RPTOR: variants seen among roughly 807,000 people sequenced by gnomAD.
The protein encoded by RPTOR is regulatory-associated protein of mTOR.
In RPTOR, 21 loss-of-function variants were observed where a neutral mutation model predicts 169.9. The ratio of observed to expected loss-of-function variants is 0.12; its 90% CI spans 0.09 to 0.18. The LOEUF is 0.18. RPTOR is among the 10% of genes least tolerant of loss of function. RPTOR has a pLI of 1.00. For synonymous variants in RPTOR, 732 were observed against 753.2 expected, an observed-to-expected ratio of 0.97 and a Z score of 0.46; for missense variants, 1,133 against 1,855.9, an observed-to-expected ratio of 0.61 and a Z score of 7.16.
intron 7 of RPTOR, among the ~76,000 whole-genome samples, chr17:80,805,910 A>G (rs2067213886): frequency 6.6e-6 from 1 of 152,134 alleles, no homozygotes; most frequent in African/African-American, 2.4e-5. Context: ...AACTCTGCTT[A>G]CTGTTAAGTC....
rs1049401945 is a variant in RPTOR, at chr17:80,955,750, T to G, written c.3371-1874T>G. 4.1e-4 allele frequency among the ~76,000 whole-genome samples: 62 copies of G among 151,502 alleles called. 1 individual carries two copies. Among genetic ancestry groups the G allele is most frequent in the African/African-American group, 1.4e-3 (56 of 41,256 alleles). ...TGGCTTGTGTGTGTCCTGCCGAGAG[T>G]GTAGATGGTCACCCATTTGGGGAAT... On this transcript the variant is annotated intron_variant, in intron 28 of 33. Coordinates refer to ENST00000306801, the MANE Select transcript of RPTOR (RefSeq NM_020761.3).
At chr17:80,718,447 T>G (rs962588089) in intron 4 of RPTOR, among the ~76,000 whole-genome samples, 3 of 152,198 alleles carry the variant, frequency 2.0e-5, no homozygotes, top group Non-Finnish European at 4.4e-5. Context: ...GATTGTTGGT[T>G]ATAAGTCTAG....
At chr17:80,832,792 G>A (rs1012931853) in intron 9 of RPTOR, among the ~76,000 whole-genome samples, 2 of 152,176 alleles carry the variant, frequency 1.3e-5, no homozygotes, top group South Asian at 4.1e-4. Context: ...GGAGCACACA[G>A]GAAAGATAGC....
chr17:80,848,915 C>T (rs2067762244), intron 11 of RPTOR, among the ~76,000 whole-genome samples: 1 of 152,220 alleles, frequency 6.6e-6, no homozygotes, highest in Admixed American at 6.5e-5. Flanking sequence ...TATGCGAAGA[C>T]AGCTCTGGTC....
chr17:80,731,606 C>T (rs919830150), intron 5 of RPTOR, among the ~76,000 whole-genome samples: 5 of 152,116 alleles, frequency 3.3e-5, no homozygotes, highest in South Asian at 4.2e-4. Context: ...GAGGCAGTTT[C>T]GATTAAGAGG....
intron 6 of RPTOR, among the ~76,000 whole-genome samples, chr17:80,781,683 A>G (rs1229282194): frequency 6.6e-6 from 1 of 152,236 alleles, no homozygotes; most frequent in Non-Finnish European, 1.5e-5. Flanking sequence ...TGGATCGCCC[A>G]TTTGACTAAA....
intron 1 of RPTOR, among the ~76,000 whole-genome samples, chr17:80,559,272 C>T (rs1477040057): frequency 2.0e-5 from 3 of 152,150 alleles, no homozygotes; most frequent in Non-Finnish European, 4.4e-5. Flanking sequence ...CAGGAGCACA[C>T]GACGGTGCTT....
At chr17:80,664,974 CT>C (rs1567845660) in intron 3 of RPTOR, among the ~76,000 whole-genome samples, 1 of 152,176 alleles carries the variant, frequency 6.6e-6, no homozygotes, top group African/African-American at 2.4e-5. Context: ...CTGCAGAGAC[CT>C]TTTTCTCCTG....
intron 3 of RPTOR, among the ~76,000 whole-genome samples, chr17:80,658,109 A>G (rs570891293): frequency 7.9e-5 from 12 of 152,298 alleles, no homozygotes; most frequent in African/African-American, 2.9e-4. Flanking sequence ...TTTACTTTGC[A>G]TGGTGTCAAC....
At chr17:80,862,085 G>A (rs1343263822) in intron 13 of RPTOR, among the ~76,000 whole-genome samples, 2 of 152,114 alleles carry the variant, frequency 1.3e-5, no homozygotes, top group Admixed American at 1.3e-4. Context: ...CCAGGGCCTC[G>A]GGTTTATTAT....
intron 22 of RPTOR, 46 bp from the exon 23 acceptor site, chr17:80,923,444 C>T (rs748570260): frequency 2.5e-6 from 4 of 1,609,822 alleles, no homozygotes; most frequent in South Asian, 2.2e-5. Context: ...TCTCGAAGCC[C>T]CAGACTCTGC....
chr17:80,772,997 C>T (rs910759801), intron 6 of RPTOR, among the ~76,000 whole-genome samples: 1 of 152,174 alleles, frequency 6.6e-6, no homozygotes, highest in Non-Finnish European at 1.5e-5. Context: ...CTTCTCACCA[C>T]TTAAGTGGCT....
intron 9 of RPTOR, among the ~76,000 whole-genome samples, chr17:80,835,783 CA>C (rs1263759807): frequency 6.6e-6 from 1 of 152,146 alleles, no homozygotes; most frequent in Non-Finnish European, 1.5e-5. Flanking sequence ...GCAAATATTC[CA>C]AAACCTGAAA....
In RPTOR at chr17:80,643,733, C is replaced by T; in HGVS notation, c.271C>T (p.Leu91=). Residue 91 remains leucine, a synonymous_variant, in exon 3 of 34, where the codon CTG becomes TTG. Coordinates refer to ENST00000306801, the MANE Select transcript of RPTOR (RefSeq NM_020761.3). ...CTTTTCCATTGCTTCCTCAGATCCT[C>T]TGTCGATGGGTCCTCAGAAAGCTCT... ...CARLECWIDP[L]SMGPQKALET... 6.2e-7 allele frequency: 1 copy of T among 1,612,948 alleles called. No individual in the cohort carries two copies.
chr17:80,692,094 C>T (rs1050890923), intron 3 of RPTOR, among the ~76,000 whole-genome samples: 3 of 152,156 alleles, frequency 2.0e-5, no homozygotes, highest in South Asian at 4.2e-4. Flanking sequence ...GCACAGATGT[C>T]GAGTGACATT....
At position 80,750,418 on chromosome 17, in the gene RPTOR, A is replaced by G. The variant is rs374846962; in HGVS notation, c.655-3592A>G. ...CAAATGGCGCCTTCCACAGTTCAGG[A>G]CTGTGTGCTTCACTCCACGGAGGTC... On this transcript the variant is annotated intron_variant, in intron 5 of 33. Coordinates refer to ENST00000306801, the MANE Select transcript of RPTOR (RefSeq NM_020761.3). Among the ~76,000 whole-genome samples the G allele has an allele frequency of 4.1e-4, 62 of 152,266 alleles. No homozygotes were observed. The East Asian group carries it at 5.4e-3, about 13-fold the overall frequency.
At chr17:80,782,743 T>G (rs1335756983) in intron 6 of RPTOR, among the ~76,000 whole-genome samples, 1 of 152,210 alleles carries the variant, frequency 6.6e-6, no homozygotes. Context: ...GAAACTCCAG[T>G]CCTCTGTGGC....
At chr17:80,685,150 CCCTCATTCAGGGTCGCA>C (rs1434546478) in intron 3 of RPTOR, among the ~76,000 whole-genome samples, 5 of 151,930 alleles carry the variant, frequency 3.3e-5, no homozygotes, top group Admixed American at 2.0e-4. Context: ...TCGGAGTCGC[CCCTCATTCAGGGTCGCA>C]CCTCATTCGG....
chr17:80,639,048 G>T (rs942626297), intron 2 of RPTOR, among the ~76,000 whole-genome samples: 1 of 152,142 alleles, frequency 6.6e-6, no homozygotes, highest in African/African-American at 2.4e-5. Flanking sequence ...AAGATCACAC[G>T]CCTCTCACTG....
Sources: gnomAD v4.1 joint callset for allele counts (sites outside exome capture counted in the v4.1 genomes callset) on GRCh38, gnomAD v4.1.1 for gene constraint, MANE v1.5 for transcripts, NCBI Gene and HGNC (gene_info 2026-07-23, HGNC 2026-07-21) for gene names.